The following TECTA variants were observed in gnomAD, a reference collection of about 807,000 sequenced individuals.
TECTA encodes alpha-tectorin.
In TECTA, 128 loss-of-function variants were observed where a neutral mutation model predicts 216.8. The observed-to-expected ratio is 0.59, with a 90% confidence interval of 0.51 to 0.68. The LOEUF (loss-of-function observed/expected upper bound fraction) is 0.68, where lower values mean the gene tolerates loss of function less well. Among genes scored for constraint, TECTA ranks in the 30% least tolerant of loss-of-function variants. The pLI is 0.00. For missense variants in TECTA, 2,551 were observed against 2,786.2 expected (o/e 0.92, Z 1.90); for synonymous variants, 1,089 against 1,117.1 (o/e 0.97, Z 0.50).
chr11:121,182,674 G>A (rs148387722), intron 20 of TECTA, among the ~76,000 whole-genome samples: 2 of 151,812 alleles, frequency 1.3e-5, no homozygotes, highest in African/African-American at 2.4e-5. Flanking sequence ...TGCAGCCATC[G>A]GTGTTAGTGG....
At position 121,127,150 on chromosome 11, in the gene TECTA, C is replaced by T. The variant is rs975639725; in HGVS notation, c.1775-602C>T. On this transcript the variant is annotated intron_variant, in intron 8 of 23. Transcript: ENST00000392793. This position sits in a 1 kb window ranked among gnomAD's most constrained non-coding sequence, Gnocchi z 5.0. ...GCCTTTAGAAGACATCTTACCTTGT[C>T]TCCTGGAGAAACAGCCACACAAATT... 2.0e-5 allele frequency among the ~76,000 whole-genome samples: 3 copies of T among 152,232 alleles called. No homozygotes were observed. The highest frequency in any genetic ancestry group is 4.1e-4 in the South Asian group (2 of 4,828).
In TECTA at chr11:121,190,739, C is replaced by A. The variant is rs372282487; in HGVS notation, c.6401C>A (p.Thr2134Lys). Reference sequence around the variant, plus strand: ...TCTTCAATGGAACTTCAAGTCTGGACGCTTCTTCTCATCATGATCCAGATT... The same window carrying A: ...TCTTCAATGGAACTTCAAGTCTGGAAGCTTCTTCTCATCATGATCCAGATT... ...SNSSMELQVW[T>K]LLLIMIQISL... The change falls in exon 24 of 24, where the codon ACG (threonine) becomes AAG (lysine). Residue 2134 changes from threonine (T) to lysine (K), a missense_variant. By Grantham distance (78) the Thr-to-Lys change is moderately conservative. Coordinates refer to ENST00000392793, the MANE Select transcript of TECTA (RefSeq NM_005422.4). 1.7e-5 allele frequency: 27 copies of A among 1,613,824 alleles called. No homozygotes were observed. Among genetic ancestry groups the A allele is most frequent in the Middle Eastern group, 1.7e-4 (1 of 6,058 alleles).
Position 121,160,366 on chromosome 11 carries a change from G to A in TECTA, c.4921G>A (p.Val1641Met), listed in dbSNP as rs1193997775. The change falls in exon 15 of 24, where the codon GTG becomes ATG. Residue 1641 changes from valine (V) to methionine (M), a missense_variant. Physicochemically the swap from Val to Met is conservative, Grantham distance 21 (BLOSUM62 1). Transcript: ENST00000392793. Reference sequence around the variant, plus strand: ...TTATGTGACCTTGCGAGGGAAGCCGGTGGTAAGCAGCGTGGTGCTGGCCCA... The same window carrying A: ...TTATGTGACCTTGCGAGGGAAGCCGATGGTAAGCAGCGTGGTGCTGGCCCA... ...DDYVTLRGKP[V>M]VSSVVLAQSW... The A allele has an allele frequency of 1.2e-6, 2 of 1,613,798 alleles. No individual in the cohort carries two copies. The highest frequency in any genetic ancestry group is 8.5e-7 in the Non-Finnish European group (1 of 1,180,018).
intron 9 of TECTA, among the ~76,000 whole-genome samples, chr11:121,129,017 T>A (rs1208390129): frequency 1.3e-5 from 2 of 152,250 alleles, no homozygotes; most frequent in Non-Finnish European, 2.9e-5. Flanking sequence ...AGAACGGGGA[T>A]GCAACATGCA....
chr11:121,157,799 G>T, intron 13 of TECTA, 42 bp from the exon 14 acceptor site: 1 of 1,612,286 alleles, frequency 6.2e-7, no homozygotes, highest in South Asian at 1.1e-5. Flanking sequence ...CCCCAGCCCT[G>T]ACCACAGTCT....
chr11:121,123,242 A>G (rs1227187892), intron 7 of TECTA, among the ~76,000 whole-genome samples: 1 of 152,320 alleles, frequency 6.6e-6, no homozygotes, highest in Middle Eastern at 3.4e-3. Flanking sequence ...ATGGATGTCC[A>G]TAGGTGCTAG....
chr11:121,139,715 TGA>T (rs1946765795), intron 11 of TECTA, among the ~76,000 whole-genome samples: 1 of 151,330 alleles, frequency 6.6e-6, no homozygotes, highest in African/African-American at 2.4e-5. Flanking sequence ...ATGAATGAAA[TGA>T]TACAAATAAC....
chr11:121,190,400 G>C (rs1365055601), intron 23 of TECTA, among the ~76,000 whole-genome samples: 2 of 152,168 alleles, frequency 1.3e-5, no homozygotes, highest in Non-Finnish European at 2.9e-5. Flanking sequence ...GAGTAACTGG[G>C]ACTACAGGCA....
intron 16 of TECTA, among the ~76,000 whole-genome samples, chr11:121,162,706 A>G (rs907978650): frequency 7.2e-5 from 11 of 152,218 alleles, no homozygotes; most frequent in Non-Finnish European, 1.3e-4. Flanking sequence ...TCCCAAACTC[A>G]GCTCCACCTT....
chr11:121,130,700 C>T (rs1946665811), intron 10 of TECTA, among the ~76,000 whole-genome samples: 1 of 152,156 alleles, frequency 6.6e-6, no homozygotes. Flanking sequence ...AGTATCTGAC[C>T]CCTCTCAGCA....
At chr11:121,176,257 T>C (rs1255843340) in intron 20 of TECTA, among the ~76,000 whole-genome samples, 1 of 151,608 alleles carries the variant, frequency 6.6e-6, no homozygotes, top group Non-Finnish European at 1.5e-5. Flanking sequence ...TTTTGCTCGT[T>C]AGTTGATGCA....
At position 121,137,160 on chromosome 11, in the gene TECTA, G is replaced by A. The variant is rs566538912; in HGVS notation, c.2942-261G>A. Among the ~76,000 whole-genome samples the A allele has an allele frequency of 1.9e-3, 291 of 151,860 alleles. 4 individuals carry two copies. The highest frequency in any genetic ancestry group is 8.4e-4 in the South Asian group (4 of 4,786). ...CACACACACGTGCACATGCACACTC[G>A]CATGCACAGATGTGTGCACACACAG... On this transcript the variant is annotated intron_variant, in intron 10 of 23. Transcript: ENST00000392793.
intron 12 of TECTA, among the ~76,000 whole-genome samples, chr11:121,148,426 G>A (rs576884220): frequency 6.6e-6 from 1 of 152,194 alleles, no homozygotes; most frequent in South Asian, 2.1e-4. Flanking sequence ...TTTTAAAGAT[G>A]GTATGGGGGT....
At chr11:121,110,487 C>T (rs999352050) in intron 4 of TECTA, 2 of 152,210 alleles carry the variant, frequency 1.3e-5, no homozygotes, top group African/African-American at 2.4e-5. Context: ...TTAGCACCTC[C>T]TAGCCAGAGC....
chr11:121,145,780 G>A lies in TECTA; in HGVS notation c.3769G>A (p.Gly1257Ser), dbSNP rs727504469. ...TGATGATGACCTGGAGATGCCCATG[G>A]GTCTGCTTGCATCGAGTGTCAATGA... ...NPDDDLEMPMGLLASSVNEFG... is the reference protein window; with the variant it reads ...NPDDDLEMPMSLLASSVNEFG... The change falls in exon 12 of 24, where the codon GGT becomes AGT. Residue 1257 changes from glycine (G) to serine (S), a missense_variant. Gly to Ser is a moderately conservative substitution (Grantham distance 56). Transcript: ENST00000392793. The A allele has an allele frequency of 2.4e-5, 38 of 1,614,060 alleles. No homozygotes were observed. In the East Asian group the frequency reaches 7.1e-4, roughly 30 times the overall value.
intron 14 of TECTA, among the ~76,000 whole-genome samples, chr11:121,159,348 C>A (rs147996654): frequency 1.7e-3 from 255 of 152,204 alleles, no homozygotes; most frequent in African/African-American, 5.8e-3. Context: ...AAATGACCAC[C>A]CAAGAGAGCA....
intron 7 of TECTA, among the ~76,000 whole-genome samples, chr11:121,119,105 G>T (rs1281336292): frequency 6.6e-6 from 1 of 151,940 alleles, no homozygotes; most frequent in Non-Finnish European, 1.5e-5. Flanking sequence ...TAGCCACATA[G>T]CCATGCCCTG....
Position 121,158,228 on chromosome 11 carries a change from A to G in TECTA, c.4689+4A>G, listed in dbSNP as rs1367636269. 3 of 1,611,268 alleles carry G rather than the reference A, an allele frequency of 1.9e-6. No homozygotes were observed. Among genetic ancestry groups the G allele is most frequent in the South Asian group, 1.1e-5 (1 of 91,076 alleles). ...CAACGACCGGAACACGGTCAAGGTAACCAGCCTGGCGGCCATTCTTAAGAA... is the reference window on the plus strand; with the variant it reads ...CAACGACCGGAACACGGTCAAGGTAGCCAGCCTGGCGGCCATTCTTAAGAA... On this transcript the variant is annotated splice_donor_region_variant and intron_variant, in intron 14 of 23. Coordinates refer to ENST00000392793, the MANE Select transcript of TECTA (RefSeq NM_005422.4).
intron 7 of TECTA, among the ~76,000 whole-genome samples, chr11:121,120,585 A>AC (rs998618837): frequency 1.3e-5 from 2 of 151,530 alleles, no homozygotes; most frequent in Admixed American, 6.6e-5. Flanking sequence ...CAAAACACAG[A>AC]CCCCCCTTCT....
Sources: gnomAD v4.1 joint callset for allele counts (sites outside exome capture counted in the v4.1 genomes callset) on GRCh38, gnomAD v4.1.1 for gene constraint, Gnocchi (gnomAD v3.1) non-coding constraint, MANE v1.5 for transcripts, NCBI Gene and HGNC (gene_info 2026-07-23, HGNC 2026-07-21) for gene names.